DGKH: variants seen among roughly 807,000 people sequenced by gnomAD.
DGKH encodes the protein diacylglycerol kinase eta.
A neutral mutation model predicts 159.3 loss-of-function variants in DGKH; 90 were observed. The ratio of observed to expected loss-of-function variants is 0.57; its 90% CI spans 0.48 to 0.67. The LOEUF (loss-of-function observed/expected upper bound fraction) is 0.67. DGKH is among the 30% of genes least tolerant of loss of function. The probability of loss-of-function intolerance (pLI) is 0.00; values close to 1 mark genes in which losing one functional copy is unlikely to be tolerated. For missense variants in DGKH, 1,181 were observed against 1,506.1 expected (o/e 0.78, Z 3.57); for synonymous variants, 536 against 553.8 (o/e 0.97, Z 0.45).
chr13:42,135,509 G>GAAAGAA (rs1411259863), intron 3 of DGKH, among the ~76,000 whole-genome samples: 2 of 90,150 alleles, frequency 2.2e-5, no homozygotes, highest in African/African-American at 3.2e-5. Flanking sequence ...AAAAAAAAAA[G>GAAAGAA]AGAGAGAGAG....
At chr13:42,073,494 C>T (rs957104966) in intron 1 of DGKH, among the ~76,000 whole-genome samples, 1 of 152,094 alleles carries the variant, frequency 6.6e-6, no homozygotes, top group African/African-American at 2.4e-5. Flanking sequence ...ACTTTCAGTA[C>T]AGTACTCGAT....
At chr13:42,047,600 G>C (rs916471959), upstream of DGKH, among the ~76,000 whole-genome samples, 4 of 152,180 alleles carry the variant, frequency 2.6e-5, no homozygotes, top group Non-Finnish European at 4.4e-5. Flanking sequence ...CACCTGTGAG[G>C]CTTCTTTGAC....
downstream of DGKH, among the ~76,000 whole-genome samples, chr13:42,247,327 T>G (rs1185818249): frequency 2.0e-5 from 3 of 150,586 alleles, no homozygotes; most frequent in Non-Finnish European, 3.0e-5. Context: ...GCCTCCTGGG[T>G]TCAAGCAATC....
chr13:42,073,820 A>G (rs1883131925), intron 1 of DGKH, among the ~76,000 whole-genome samples: 1 of 152,204 alleles, frequency 6.6e-6, no homozygotes, highest in East Asian at 1.9e-4. Context: ...TTGAGCAGAT[A>G]TGGAAGGCTT....
intron 13 of DGKH, among the ~76,000 whole-genome samples, chr13:42,186,436 A>G (rs184911361): frequency 7.2e-4 from 110 of 152,358 alleles, no homozygotes; most frequent in African/African-American, 2.6e-3. Context: ...AAATAAACAA[A>G]CAAGTAAACC....
At chr13:42,168,970 C>G (rs528058103) in intron 11 of DGKH, 152 bp downstream of exon 11, 2 of 814,622 alleles carry the variant, frequency 2.5e-6, no homozygotes, top group African/African-American at 3.5e-5. Flanking sequence ...TGGTTAATCC[C>G]TGAGATGGAG....
intron 6 of DGKH, 144 bp from the exon 7 acceptor site, chr13:42,159,867 C>G (rs1183725272): frequency 8.4e-7 from 1 of 1,186,210 alleles, no homozygotes; most frequent in Non-Finnish European, 1.2e-6. Flanking sequence ...AATAGATGCT[C>G]AATAAACGTG....
chr13:42,100,148 C>T (rs1042612905), intron 1 of DGKH, among the ~76,000 whole-genome samples: 38 of 152,260 alleles, frequency 2.5e-4, no homozygotes, highest in African/African-American at 7.5e-4. Flanking sequence ...CTGAGCTCCG[C>T]CTCCTGTCAG....
chr13:42,077,690 G>A (rs997732741), intron 1 of DGKH, among the ~76,000 whole-genome samples: 2 of 152,170 alleles, frequency 1.3e-5, no homozygotes, highest in African/African-American at 4.8e-5. Flanking sequence ...TCTTAGACTG[G>A]TTTGTCTTTG....
chr13:42,205,994 CT>C (rs771947629), intron 20 of DGKH, 44 bp from the exon 21 acceptor site: 1 of 1,231,806 alleles, frequency 8.1e-7, no homozygotes, highest in African/African-American at 1.6e-5. Context: ...TGGTTCTGCT[CT>C]TTTTATCTAA....
chr13:42,226,068 A>G (rs1034452903), intron 29 of DGKH, among the ~76,000 whole-genome samples: 8 of 152,166 alleles, frequency 5.3e-5, no homozygotes, highest in Non-Finnish European at 4.4e-5. Context: ...AAGGTCTAAT[A>G]TCCAGAATCT....
chr13:42,141,081 C>CGTGATGTT (rs1366017424), intron 3 of DGKH, among the ~76,000 whole-genome samples: 5 of 118,886 alleles, frequency 4.2e-5, no homozygotes, highest in Non-Finnish European at 8.7e-5. Context: ...GGCCCCAGTG[C>CGTGATGTT]GTGATGTTCC....
At chr13:42,219,125 T>G in intron 26 of DGKH, 105 bp from the exon 27 acceptor site, 1 of 1,385,130 alleles carries the variant, frequency 7.2e-7, no homozygotes, top group Non-Finnish European at 9.7e-7. Flanking sequence ...AATACTACCT[T>G]AATAAGGAGT....
chr13:42,061,457 GCTAT>G (rs1389866825), intron 1 of DGKH, among the ~76,000 whole-genome samples: 5 of 152,120 alleles, frequency 3.3e-5, no homozygotes, highest in African/African-American at 1.2e-4. Flanking sequence ...CCATACTCTT[GCTAT>G]CTGTCTAAGT....
At chr13:42,150,340 A>G (rs61959230) in intron 3 of DGKH, among the ~76,000 whole-genome samples, 2,595 of 152,302 alleles carry the variant, frequency 0.017, 44 homozygotes, top group Middle Eastern at 0.034. Flanking sequence ...GGAGCCTGAG[A>G]AATAGGCACT....
intron 3 of DGKH, among the ~76,000 whole-genome samples, chr13:42,145,578 G>A (rs576204353): frequency 5.8e-4 from 88 of 152,226 alleles, no homozygotes; most frequent in African/African-American, 2.1e-3. Context: ...CTATTAAAGA[G>A]AGCTGACATC....
intron 3 of DGKH, among the ~76,000 whole-genome samples, chr13:42,133,166 G>A (rs1299126329): frequency 2.7e-5 from 3 of 110,548 alleles, no homozygotes; most frequent in African/African-American, 1.1e-4. Flanking sequence ...GCAAGACTTT[G>A]TCTCAAAAAA....
At chr13:42,136,234 A>G (rs1955400244) in intron 3 of DGKH, among the ~76,000 whole-genome samples, 1 of 152,248 alleles carries the variant, frequency 6.6e-6, no homozygotes, top group African/African-American at 2.4e-5. Flanking sequence ...GATTCCTGAA[A>G]GTTTGGGAAT....
chr13:42,133,741 A>G (rs1396338733), intron 3 of DGKH, among the ~76,000 whole-genome samples: 2 of 152,164 alleles, frequency 1.3e-5, no homozygotes, highest in Non-Finnish European at 2.9e-5. Context: ...CAAAGAAACA[A>G]AAACAAATGT....
Sources: gnomAD v4.1 joint callset for allele counts (sites outside exome capture counted in the v4.1 genomes callset) on GRCh38, gnomAD v4.1.1 for gene constraint, MANE v1.5 for transcripts, NCBI Gene and HGNC (gene_info 2026-07-23, HGNC 2026-07-21) for gene names.